The following MAF variants were observed in gnomAD, a reference collection of about 807,000 sequenced individuals.
The protein encoded by MAF is MAF bZIP transcription factor, also known as transcription factor Maf.
In MAF, 10 loss-of-function variants were observed where a neutral mutation model predicts 22.0. That is an observed-to-expected ratio of 0.45 (90% CI 0.28 to 0.77). The LOEUF (loss-of-function observed/expected upper bound fraction) is 0.77. Among genes scored for constraint, MAF ranks in the 30% least tolerant of loss-of-function variants. The pLI is 0.12. For synonymous variants in MAF, 337 were observed against 255.8 expected, an observed-to-expected ratio of 1.32 and a Z score of -3.03; for missense variants, 544 against 548.4, an observed-to-expected ratio of 0.99 and a Z score of 0.08.
At chr16:79,403,391 C>A in the MAF span, among the ~76,000 whole-genome samples, 1 of 152,176 alleles carries the variant, frequency 6.6e-6, no homozygotes, top group East Asian at 1.9e-4. Flanking sequence ...GAAAGGCAGC[C>A]CAGAGTGCTT....
At chr16:79,207,565 C>T in the MAF span, among the ~76,000 whole-genome samples, 1 of 152,344 alleles carries the variant, frequency 6.6e-6, no homozygotes, top group Non-Finnish European at 1.5e-5. Flanking sequence ...AGAACATCTA[C>T]TCTCTCACAA....
chr16:79,321,917 G>A, the MAF span, among the ~76,000 whole-genome samples: 1 of 151,974 alleles, frequency 6.6e-6, no homozygotes, highest in East Asian at 2.0e-4. Context: ...GGGTGACCAA[G>A]AACTTGAACA....
At chr16:79,596,449 A>G in intron 1 of MAF, 1 of 1,054,704 alleles carries the variant, frequency 9.5e-7, no homozygotes, top group South Asian at 4.6e-5. Flanking sequence ...GGGCCCAGTT[A>G]AACTGTACAC....
At chr16:79,461,236 T>C in the MAF span, among the ~76,000 whole-genome samples, 1 of 152,166 alleles carries the variant, frequency 6.6e-6, no homozygotes, top group Admixed American at 6.5e-5. Flanking sequence ...TTCTTAGAGG[T>C]GATATATTTA....
the MAF span, among the ~76,000 whole-genome samples, chr16:79,333,690 C>T: frequency 6.6e-6 from 1 of 152,224 alleles, no homozygotes; most frequent in Non-Finnish European, 1.5e-5. Flanking sequence ...CAACATCTCT[C>T]CTGGATCTAG....
At chr16:79,479,005 T>G in the MAF span, among the ~76,000 whole-genome samples, 3,210 of 152,098 alleles carry the variant, frequency 0.021, 115 homozygotes, top group African/African-American at 0.074. Flanking sequence ...AGCATCCTAG[T>G]GCACCTGTGC....
chr16:79,525,608 C>T, the MAF span, among the ~76,000 whole-genome samples: 359 of 152,256 alleles, frequency 2.4e-3, 1 homozygote, highest in African/African-American at 7.7e-3. Flanking sequence ...CTTTAATGTA[C>T]GCTGCGTACT....
At chr16:79,393,072 C>T in the MAF span, among the ~76,000 whole-genome samples, 1 of 152,214 alleles carries the variant, frequency 6.6e-6, no homozygotes, top group African/African-American at 2.4e-5. Context: ...GTAAAACATT[C>T]CCTTTGCTCC....
At chr16:79,388,154 G>T in the MAF span, among the ~76,000 whole-genome samples, 1 of 152,120 alleles carries the variant, frequency 6.6e-6, no homozygotes, top group South Asian at 2.1e-4. Context: ...GATGTATGAA[G>T]AATTAAAATA....
the MAF span, among the ~76,000 whole-genome samples, chr16:79,444,035 T>C: frequency 9.2e-5 from 14 of 152,186 alleles, no homozygotes; most frequent in Non-Finnish European, 1.6e-4. Context: ...CAAATATATG[T>C]GTGTGTGAAG....
chr16:79,393,960 T>C, the MAF span, among the ~76,000 whole-genome samples: 3 of 152,290 alleles, frequency 2.0e-5, no homozygotes, highest in South Asian at 4.1e-4. Flanking sequence ...GCAAAGAACA[T>C]TGTATGTATT....
chr16:79,223,932 C>T, the MAF span, among the ~76,000 whole-genome samples: 2 of 152,160 alleles, frequency 1.3e-5, no homozygotes, highest in Non-Finnish European at 2.9e-5. Context: ...ACCAGGAGTA[C>T]AAAGAGGAGC....
At chr16:79,369,764 G>C in the MAF span, among the ~76,000 whole-genome samples, 1 of 152,242 alleles carries the variant, frequency 6.6e-6, no homozygotes, top group Admixed American at 6.5e-5. Context: ...CACCCTCCAT[G>C]ATGGGTTCAA....
chr16:79,247,171 G>A, the MAF span, among the ~76,000 whole-genome samples: 29 of 152,324 alleles, frequency 1.9e-4, no homozygotes, highest in Non-Finnish European at 3.2e-4. Flanking sequence ...ATAAAGTCAA[G>A]TCCTGCCTGG....
chr16:79,361,839 C>A, the MAF span, among the ~76,000 whole-genome samples: 2 of 152,084 alleles, frequency 1.3e-5, no homozygotes, highest in Admixed American at 1.3e-4. Flanking sequence ...TGCTTAAAGT[C>A]CAGGCTGTTA....
At chr16:79,319,869 G>A in the MAF span, among the ~76,000 whole-genome samples, 1 of 152,180 alleles carries the variant, frequency 6.6e-6, no homozygotes. Context: ...GGATGCAGTG[G>A]CTGAGGTTAG....
the MAF span, among the ~76,000 whole-genome samples, chr16:79,445,330 A>T: frequency 3.3e-5 from 5 of 152,182 alleles, no homozygotes; most frequent in African/African-American, 4.8e-5. Flanking sequence ...GGCGTGAGCC[A>T]CTGCGCCCGG....
chr16:79,277,023 C>A, the MAF span, among the ~76,000 whole-genome samples: 47 of 151,994 alleles, frequency 3.1e-4, no homozygotes, highest in Non-Finnish European at 2.5e-4. Context: ...GTATCTAAAT[C>A]TCTCTTTTTT....
the MAF span, among the ~76,000 whole-genome samples, chr16:79,420,802 G>A: frequency 6.6e-6 from 1 of 152,218 alleles, no homozygotes; most frequent in South Asian, 2.1e-4. Context: ...GGCCAAGGCG[G>A]GTGGATCACC....
Sources: allele counts gnomAD v4.1 joint callset (sites outside exome capture counted in the v4.1 genomes callset), GRCh38; gene constraint gnomAD v4.1.1; transcripts MANE v1.5; gene names NCBI Gene and HGNC (gene_info 2026-07-23, HGNC 2026-07-21).